Variants in SNRPN observed in about 807,000 individuals in gnomAD.
SNRPN encodes small nuclear ribonucleoprotein-associated protein N.
Under a neutral mutation model 25.2 loss-of-function variants are expected in SNRPN, and 7 were observed. The ratio of observed to expected loss-of-function variants is 0.28; its 90% CI spans 0.16 to 0.52. SNRPN has a LOEUF of 0.52. SNRPN is among the 20% of genes least tolerant of loss of function. The probability of loss-of-function intolerance (pLI) is 0.96; values close to 1 mark genes in which losing one functional copy is unlikely to be tolerated. For synonymous variants in SNRPN, 124 were observed against 110.6 expected, an observed-to-expected ratio of 1.12 and a Z score of -0.76; for missense variants, 196 against 322.5, an observed-to-expected ratio of 0.61 and a Z score of 3.00.
At chr15:24,960,381 C>A (rs2074572849) in intron 1 of SNRPN, among the ~76,000 whole-genome samples, 2 of 151,982 alleles carry the variant, frequency 1.3e-5, no homozygotes, top group South Asian at 4.2e-4. Context: ...GCTCTGTCAC[C>A]CAGGCTGGTG....
At chr15:24,898,542 C>G (rs1007414736) in intron 2 of SNRPN, among the ~76,000 whole-genome samples, 1 of 151,406 alleles carries the variant, frequency 6.6e-6, no homozygotes. Context: ...GAGCGAAGAT[C>G]GCACCACTGC....
At chr15:24,855,837 G>A (rs551062359), upstream of SNRPN, among the ~76,000 whole-genome samples, 27 of 145,768 alleles carry the variant, frequency 1.9e-4, no homozygotes, top group Admixed American at 8.2e-4. Context: ...CGGAAGTCAT[G>A]TTCCCAAATT....
At chr15:24,920,978 A>G (rs2059993273) in intron 3 of SNRPN, among the ~76,000 whole-genome samples, 3 of 152,166 alleles carry the variant, frequency 2.0e-5, no homozygotes, top group African/African-American at 7.2e-5. Flanking sequence ...TAATGATTGA[A>G]AGAGTATGTG....
intron 3 of SNRPN, among the ~76,000 whole-genome samples, chr15:24,945,024 GC>G (rs1290378591): frequency 1.3e-5 from 2 of 152,134 alleles, no homozygotes; most frequent in African/African-American, 4.8e-5. Context: ...CTCAAAACAT[GC>G]CATCGTGGCA....
chr15:24,832,881 C>A (rs4586407), intron 2 of SNRPN, among the ~76,000 whole-genome samples: 3,362 of 151,768 alleles, frequency 0.022, 165 homozygotes, highest in African/African-American at 0.077. Flanking sequence ...CCGAGGCGGG[C>A]GGACCACGAG....
rs372713413 is a variant in SNRPN at position 24,834,728 on chromosome 15, C to CCTCTCTCTCTCTCTCTCTCT, written c.-579+4828_-579+4847dup. Among the ~76,000 whole-genome samples, 79 of 42,798 alleles carry CCTCTCTCTCTCTCTCTCTCT rather than the reference C, an allele frequency of 1.8e-3. 2 individuals are homozygous for CCTCTCTCTCTCTCTCTCTCT. The highest frequency in any genetic ancestry group is 2.2e-3 in the African/African-American group (29 of 12,988). The allele number at this position is 42,798 out of a possible 152,430, so 28.1% of individuals were successfully genotyped here. A position where few individuals can be genotyped will look rare whatever the true frequency, so the allele number is the denominator to read the frequency against. On this transcript the variant is annotated intron_variant, in intron 2 of 12. Coordinates refer to the SNRPN transcript ENST00000400100. ...GAGTGAGACCTTGTCTCTCTCTCTC[C>CCTCTCTCTCTCTCTCTCTCT]CTCTCTCTCTCTCTCTCTCTCTCTA...
At chr15:24,835,253 T>G (rs1437869036) in intron 2 of SNRPN, among the ~76,000 whole-genome samples, 1 of 150,888 alleles carries the variant, frequency 6.6e-6, no homozygotes, top group Non-Finnish European at 1.5e-5. Flanking sequence ...TATATAGGCA[T>G]GCTGTTTTTC....
chr15:24,872,823 G>T lies in SNRPN; in HGVS notation c.-578-13693G>T, dbSNP rs571045755. On this transcript the variant is annotated intron_variant, in intron 1 of 11. Transcript: ENST00000400097. ...CCAGCACTTTGTGAGGCTGAGGCGG[G>T]CGGATCACACTGCACTCCAGCCTGG... is the stretch of plus-strand genomic sequence containing the variant. Among the ~76,000 whole-genome samples, 11 of 108,010 alleles carry T rather than the reference G, an allele frequency of 1.0e-4. 4 individuals carry two copies. The East Asian group carries it at 2.8e-3, about 28-fold the overall frequency. 70.9% of individuals were successfully genotyped at this position (108,010 alleles called of 152,430 possible).
At chr15:24,914,271 G>A (rs906974659) in intron 2 of SNRPN, among the ~76,000 whole-genome samples, 2 of 152,200 alleles carry the variant, frequency 1.3e-5, no homozygotes, top group Non-Finnish European at 2.9e-5. Context: ...AGGAAGAACA[G>A]ATGTGCAGCC....
At chr15:24,922,051 A>T (rs2060056610) in intron 3 of SNRPN, among the ~76,000 whole-genome samples, 1 of 151,216 alleles carries the variant, frequency 6.6e-6, no homozygotes, top group African/African-American at 2.4e-5. Context: ...AAAAAAAAAA[A>T]AAAAAAAAAA....
intron 2 of SNRPN, chr15:24,850,786 A>AG (rs2052749703): frequency 1.3e-5 from 2 of 152,218 alleles, no homozygotes; most frequent in Non-Finnish European, 2.9e-5. Flanking sequence ...CTGAGGGGGA[A>AG]GTCAGGGCTC....
chr15:24,975,089 A>G, intron 4 of SNRPN: 1 of 649,978 alleles, frequency 1.5e-6, no homozygotes, highest in Non-Finnish European at 2.8e-6. Flanking sequence ...GGGAGTGGAC[A>G]GTTTAGAGCA....
chr15:24,948,379 T>G (rs1436020002), intron 3 of SNRPN, among the ~76,000 whole-genome samples: 1 of 152,160 alleles, frequency 6.6e-6, no homozygotes, highest in Non-Finnish European at 1.5e-5. Context: ...CCCAAAGTGC[T>G]GGGATTACAG....
intron 2 of SNRPN, among the ~76,000 whole-genome samples, chr15:24,847,287 A>C (rs1403521011): frequency 6.6e-6 from 1 of 152,190 alleles, no homozygotes; most frequent in East Asian, 1.9e-4. Flanking sequence ...GGGAAAAAAA[A>C]GGTGAGGCCC....
chr15:24,975,566 C>T, intron 5 of SNRPN, 57 bp downstream of exon 5: 1 of 1,461,314 alleles, frequency 6.8e-7, no homozygotes, highest in Non-Finnish European at 9.5e-7. Flanking sequence ...AAGGGAAGGC[C>T]AGAGCTGGAG....
At chr15:24,854,278 AC>A (rs1205588135), upstream of SNRPN, among the ~76,000 whole-genome samples, 1 of 152,188 alleles carries the variant, frequency 6.6e-6, no homozygotes, top group Non-Finnish European at 1.5e-5. Flanking sequence ...ACTGTAGGGG[AC>A]AAAAATTCAA....
intron 3 of SNRPN, among the ~76,000 whole-genome samples, chr15:24,949,040 G>C (rs1185439546): frequency 5.1e-5 from 1 of 19,430 alleles, no homozygotes; most frequent in Non-Finnish European, 1.3e-4. Context: ...TTTTTTTTTT[G>C]AGATAGAGTC....
upstream of SNRPN, among the ~76,000 whole-genome samples, chr15:24,952,968 A>G (rs2062398858): frequency 6.6e-6 from 1 of 152,140 alleles, no homozygotes; most frequent in Non-Finnish European, 1.5e-5. Flanking sequence ...ATGAGAATAA[A>G]AAATGAACAC....
At chr15:24,954,526 G>T (rs1345377556), upstream of SNRPN, among the ~76,000 whole-genome samples, 1 of 152,154 alleles carries the variant, frequency 6.6e-6, no homozygotes, top group Admixed American at 6.5e-5. Flanking sequence ...CATGCTTTTA[G>T]AGTTAGGGAT....
Sources: allele counts gnomAD v4.1 joint callset (sites outside exome capture counted in the v4.1 genomes callset), GRCh38; gene constraint gnomAD v4.1.1; transcripts MANE v1.5; gene names NCBI Gene and HGNC (gene_info 2026-07-23, HGNC 2026-07-21).